GPHN: variants seen among roughly 807,000 people sequenced by gnomAD.
GPHN encodes the protein gephyrin.
A neutral mutation model predicts 95.5 loss-of-function variants in GPHN; 17 were observed. The observed-to-expected ratio is 0.18, with a 90% CI of 0.12 to 0.27. The LOEUF (loss-of-function observed/expected upper bound fraction) is 0.27, where lower values mean the gene tolerates loss of function less well. Among genes scored for constraint, GPHN ranks in the 10% least tolerant of loss-of-function variants. The pLI is 1.00. For missense variants in GPHN, 660 were observed against 978.1 expected, an observed-to-expected ratio of 0.67 and a Z score of 4.34; for synonymous variants, 320 against 322.5, an observed-to-expected ratio of 0.99 and a Z score of 0.08.
At chr14:67,199,392 T>C in the GPHN span, 2 of 1,613,870 alleles carry the variant, frequency 1.2e-6, no homozygotes, top group East Asian at 2.2e-5. Context: ...GACCCTGAGA[T>C]TGATGAGAAG....
At chr14:66,817,731 C>A (rs28673894) in intron 3 of GPHN, among the ~76,000 whole-genome samples, 24,043 of 152,006 alleles carry the variant, frequency 0.16, 3,676 homozygotes, top group East Asian at 0.45. Context: ...TTCCACTAGA[C>A]CTTTCTCTCC....
intron 17 of GPHN, among the ~76,000 whole-genome samples, chr14:67,133,077 G>T (rs1477217297): frequency 6.6e-6 from 1 of 152,058 alleles, no homozygotes; most frequent in African/African-American, 2.4e-5. Context: ...AGAATGAAAT[G>T]ATGGCTATAT....
intron 17 of GPHN, among the ~76,000 whole-genome samples, chr14:67,128,795 C>G (rs1045752049): frequency 6.7e-6 from 1 of 149,146 alleles, no homozygotes; most frequent in African/African-American, 2.5e-5. Context: ...ATTAGCCGGG[C>G]GTGGCGGTGG....
the GPHN span, chr14:67,648,645 T>C: frequency 6.5e-6 from 1 of 153,024 alleles, no homozygotes; most frequent in African/African-American, 2.4e-5. Context: ...GGGTAGGTCT[T>C]GTACTAGAGC....
At chr14:66,952,003 G>A (rs981788107) in intron 8 of GPHN, among the ~76,000 whole-genome samples, 2 of 152,060 alleles carry the variant, frequency 1.3e-5, no homozygotes, top group Non-Finnish European at 2.9e-5. Context: ...GATTAAGAAA[G>A]GATTTCTTTT....
intron 1 of GPHN, among the ~76,000 whole-genome samples, chr14:66,570,279 A>G (rs931449063): frequency 1.7e-4 from 25 of 149,718 alleles, no homozygotes; most frequent in Admixed American, 1.6e-3. Flanking sequence ...TCTATTTGAC[A>G]TACTGATTTC....
At chr14:66,678,423 TTTCTG>T (rs896884135) in intron 1 of GPHN, among the ~76,000 whole-genome samples, 7 of 151,912 alleles carry the variant, frequency 4.6e-5, no homozygotes, top group Non-Finnish European at 1.0e-4. Context: ...AGTTCCGGGA[TTTCTG>T]TTTAGTTGTT....
chr14:66,679,477 T>C (rs1383002691), intron 1 of GPHN, among the ~76,000 whole-genome samples: 1 of 152,194 alleles, frequency 6.6e-6, no homozygotes, highest in Non-Finnish European at 1.5e-5. Flanking sequence ...AACATTAATA[T>C]ATTGTATCAG....
chr14:66,900,494 A>G (rs550238731), intron 5 of GPHN, among the ~76,000 whole-genome samples: 2 of 148,788 alleles, frequency 1.3e-5, no homozygotes, highest in South Asian at 2.1e-4. Context: ...TATTTCTTCT[A>G]TCAAACTTCA....
the GPHN span, among the ~76,000 whole-genome samples, chr14:67,288,849 G>A: frequency 2.0e-5 from 3 of 151,818 alleles, no homozygotes; most frequent in African/African-American, 7.3e-5. Context: ...TCTAATGACG[G>A]TTTTGACTTT....
downstream of GPHN, among the ~76,000 whole-genome samples, chr14:67,185,692 A>C (rs1468337102): frequency 1.3e-5 from 2 of 152,222 alleles, no homozygotes; most frequent in Non-Finnish European, 2.9e-5. Flanking sequence ...GATGTTTATC[A>C]AGTAAATGTT....
the GPHN span, among the ~76,000 whole-genome samples, chr14:67,275,288 C>T: frequency 1.3e-5 from 2 of 152,128 alleles, no homozygotes; most frequent in African/African-American, 4.8e-5. Context: ...TTTTGAGATA[C>T]ATTCCATCAA....
At chr14:67,072,430 G>C (rs929501438) in intron 11 of GPHN, among the ~76,000 whole-genome samples, 2 of 151,996 alleles carry the variant, frequency 1.3e-5, no homozygotes, top group Admixed American at 1.3e-4. Context: ...TCTCATTAGA[G>C]CACCTAGTGC....
Position 67,026,334 on chromosome 14 carries a change from T to C in GPHN, c.1006+2659T>C, listed in dbSNP as rs373227079. ...ATCACTCAGTAAATGTTAGCTGATA[T>C]TATTGTTACTATTACTACTAATACT... On this transcript the variant is annotated intron_variant, in intron 10 of 22. Transcript: ENST00000478722. Among the ~76,000 whole-genome samples, 91 of 152,286 alleles carry C rather than the reference T, an allele frequency of 6.0e-4. 3 individuals carry two copies. The highest frequency in any genetic ancestry group is 2.1e-3 in the African/African-American group (88 of 41,514).
the GPHN span, among the ~76,000 whole-genome samples, chr14:67,358,352 A>G: frequency 6.6e-6 from 1 of 152,320 alleles, no homozygotes; most frequent in African/African-American, 2.4e-5. Context: ...TTTCATTAAG[A>G]GCTATTTAGT....
At chr14:66,789,972 C>T (rs917324593) in intron 3 of GPHN, among the ~76,000 whole-genome samples, 1 of 152,124 alleles carries the variant, frequency 6.6e-6, no homozygotes, top group Non-Finnish European at 1.5e-5. Flanking sequence ...TAATTCAAGA[C>T]AAAACAGAAC....
the GPHN span, chr14:67,316,780 C>A: frequency 6.9e-7 from 1 of 1,459,478 alleles, no homozygotes; most frequent in Non-Finnish European, 9.3e-7. Flanking sequence ...AAAAAAAATT[C>A]TTATCCTTTT....
At chr14:67,004,126 C>T (rs1279196344) in intron 9 of GPHN, among the ~76,000 whole-genome samples, 2 of 151,672 alleles carry the variant, frequency 1.3e-5, no homozygotes, top group Non-Finnish European at 3.0e-5. Context: ...CAGAATTTTT[C>T]AGGTACAGTA....
intron 9 of GPHN, among the ~76,000 whole-genome samples, chr14:67,014,535 A>G (rs1054713421): frequency 6.6e-6 from 1 of 152,178 alleles, no homozygotes; most frequent in African/African-American, 2.4e-5. Flanking sequence ...TCAAGTTGTG[A>G]TTAGGAATGC....
Sources: gnomAD v4.1 joint callset for allele counts (sites outside exome capture counted in the v4.1 genomes callset) on GRCh38, gnomAD v4.1.1 for gene constraint, MANE v1.5 for transcripts, NCBI Gene and HGNC (gene_info 2026-07-23, HGNC 2026-07-21) for gene names.